Variants in SPATA3 observed in about 807,000 individuals in gnomAD.
The protein encoded by SPATA3 is spermatogenesis-associated protein 3.
A neutral mutation model predicts 5.7 loss-of-function variants in SPATA3; 6 were observed. That is an observed-to-expected ratio of 1.06 (90% CI 0.58 to 2.09). The LOEUF is 2.09. SPATA3 is among the 30% of genes most tolerant of loss of function. The pLI, the probability that SPATA3 is intolerant of heterozygous loss-of-function variation, is 0.00. For missense variants in SPATA3, 155 were observed against 130.4 expected (o/e 1.19, Z -0.92); for synonymous variants, 44 against 48.4 (o/e 0.91, Z 0.37).
intron 6 of SPATA3, among the ~76,000 whole-genome samples, chr2:231,014,623 G>C: frequency 6.6e-6 from 1 of 152,064 alleles, no homozygotes; most frequent in Non-Finnish European, 1.5e-5. Flanking sequence ...TGCAAGATTG[G>C]GACAGCAACC....
chr2:231,005,553 C>G (rs370464208), downstream of SPATA3, among the ~76,000 whole-genome samples: 1 of 63,202 alleles, frequency 1.6e-5, no homozygotes, highest in Non-Finnish European at 3.5e-5. Flanking sequence ...ATCATCACCA[C>G]CACCATCATC....
At chr2:231,011,683 G>A (rs181410276), downstream of SPATA3, among the ~76,000 whole-genome samples, 2 of 148,398 alleles carry the variant, frequency 1.3e-5, no homozygotes, top group East Asian at 4.1e-4. Flanking sequence ...CCAGGATCCA[G>A]GGAACCAAAC....
At chr2:231,005,512 C>G (rs1484578200), downstream of SPATA3, among the ~76,000 whole-genome samples, 1 of 136,430 alleles carries the variant, frequency 7.3e-6, no homozygotes, top group Admixed American at 7.3e-5. Context: ...TCACCACCAC[C>G]ACCATCACCA....
At chr2:231,000,481 T>C in exon 2 of SPATA3, 1 of 1,549,954 alleles carries the variant, frequency 6.5e-7, no homozygotes, top group Non-Finnish European at 8.7e-7. Flanking sequence ...TCCTTCTGCC[T>C]CGGGACTGGC....
chr2:231,011,072 C>CAGAAAAAAAAA (rs1692770464), downstream of SPATA3, among the ~76,000 whole-genome samples: 1 of 79,870 alleles, frequency 1.3e-5, no homozygotes, highest in Non-Finnish European at 2.2e-5. Flanking sequence ...GACCCTGTCT[C>CAGAAAAAAAAA]AAAAAAAAAA....
chr2:231,019,059 C>G (rs752094007), intron 6 of SPATA3, among the ~76,000 whole-genome samples: 12 of 150,974 alleles, frequency 7.9e-5, no homozygotes, highest in Non-Finnish European at 1.8e-4. Flanking sequence ...CTCCGCCTCC[C>G]AGGTTCACAC....
chr2:231,006,942 A>C (rs1054249841), downstream of SPATA3: 2 of 152,150 alleles, frequency 1.3e-5, no homozygotes, highest in Non-Finnish European at 2.9e-5. Flanking sequence ...TCATAGCTGC[A>C]GGGGCCCCCG....
downstream of SPATA3, among the ~76,000 whole-genome samples, chr2:231,008,915 A>G (rs550244640): frequency 3.0e-4 from 46 of 152,304 alleles, no homozygotes; most frequent in Admixed American, 1.1e-3. Flanking sequence ...CTCCCAGCCT[A>G]CAGAGATCAA....
chr2:231,005,675 C>G (rs969867137), downstream of SPATA3, among the ~76,000 whole-genome samples: 1 of 144,518 alleles, frequency 6.9e-6, no homozygotes, highest in African/African-American at 2.6e-5. Context: ...CACCACCTAC[C>G]TCTATCACCA....
chr2:231,010,351 C>T (rs961710283), downstream of SPATA3, among the ~76,000 whole-genome samples: 2 of 152,202 alleles, frequency 1.3e-5, no homozygotes, highest in African/African-American at 2.4e-5. Flanking sequence ...ATGTGGGGAA[C>T]CCAGCAAGGC....
chr2:231,017,323 C>T (rs1692959522), intron 6 of SPATA3, among the ~76,000 whole-genome samples: 1 of 152,228 alleles, frequency 6.6e-6, no homozygotes. Flanking sequence ...ATCAGCTTCC[C>T]TCCCCTTTGG....
downstream of SPATA3, among the ~76,000 whole-genome samples, chr2:231,005,332 CACCAT>C (rs1692551191): frequency 8.2e-6 from 1 of 122,030 alleles, no homozygotes; most frequent in Non-Finnish European, 1.8e-5. Context: ...TCACCATCAT[CACCAT>C]CACCATCATC....
intron 1 of SPATA3, chr2:230,996,132 C>T (rs936191745): frequency 3.1e-5 from 41 of 1,309,362 alleles, no homozygotes; most frequent in Admixed American, 1.7e-4. Flanking sequence ...GCTGGAGGCC[C>T]AAGCCAGGCT....
chr2:231,002,133 G>A (rs959037112), intron 2 of SPATA3, among the ~76,000 whole-genome samples: 2 of 152,200 alleles, frequency 1.3e-5, no homozygotes, highest in Admixed American at 1.3e-4. Flanking sequence ...TCAATGGAGT[G>A]TAATGTTGGC....
In SPATA3 at chr2:231,013,403, T is replaced by C. The variant is rs1439486884; in HGVS notation, c.*227-471T>C. ...TCAATAGTTTATTCCTCTTTATTTC[T>C]GAGAAGTATTTCATTGTGTGAATAT... On this transcript the variant is annotated intron_variant, in intron 5 of 8. Coordinates refer to the SPATA3 transcript ENST00000452881. 2.0e-5 allele frequency among the ~76,000 whole-genome samples: 3 copies of C among 152,342 alleles called. No homozygotes were observed. The East Asian group carries it at 5.8e-4, about 29-fold the overall frequency.
chr2:230,998,622 G>C (rs1028168866), intron 1 of SPATA3, among the ~76,000 whole-genome samples: 18 of 152,206 alleles, frequency 1.2e-4, no homozygotes, highest in African/African-American at 4.1e-4. Context: ...CAAGTAAAGC[G>C]TGCCATTTTC....
At chr2:231,010,194 A>G (rs11691678), downstream of SPATA3, among the ~76,000 whole-genome samples, 52,727 of 152,204 alleles carry the variant, frequency 0.35, 9,299 homozygotes, top group Non-Finnish European at 0.37. Flanking sequence ...GGAGAAAGGC[A>G]TACACATTTA....
downstream of SPATA3, among the ~76,000 whole-genome samples, chr2:231,005,015 A>ATCT (rs1218332219): frequency 3.4e-5 from 5 of 146,994 alleles, no homozygotes; most frequent in Non-Finnish European, 7.6e-5. Context: ...CACCACCATC[A>ATCT]TCACCATCAC....
chr2:231,000,263 C>A, intron 1 of SPATA3, 103 bp from the exon 2 acceptor site: 1 of 1,097,440 alleles, frequency 9.1e-7, no homozygotes, highest in Non-Finnish European at 1.2e-6. Flanking sequence ...AATCCTGCAG[C>A]TGCTGCCGTT....
Sources: gnomAD v4.1 joint callset for allele counts (sites outside exome capture counted in the v4.1 genomes callset) on GRCh38, gnomAD v4.1.1 for gene constraint, MANE v1.5 for transcripts, NCBI Gene and HGNC (gene_info 2026-07-23, HGNC 2026-07-21) for gene names.